The following TMEM108 variants were observed in gnomAD, a reference collection of about 807,000 sequenced individuals.
The protein encoded by TMEM108 is transmembrane protein 108, also known as cancer/testis antigen 124.
Under a neutral mutation model 35.1 loss-of-function variants are expected in TMEM108, and 12 were observed. That is an observed-to-expected ratio of 0.34 (90% CI 0.22 to 0.55). The LOEUF (loss-of-function observed/expected upper bound fraction) is 0.55. Among genes scored for constraint, TMEM108 ranks in the 20% least tolerant of loss-of-function variants. The probability of loss-of-function intolerance (pLI) is 0.89; values close to 1 mark genes in which losing one functional copy is unlikely to be tolerated. For synonymous variants in TMEM108, 287 were observed against 308.6 expected (o/e 0.93, Z 0.73); for missense variants, 680 against 753.3 (o/e 0.90, Z 1.14).
chr3:133,120,759 C>T (rs1944343070), intron 2 of TMEM108: 2 of 152,266 alleles, frequency 1.3e-5, no homozygotes, highest in East Asian at 3.9e-4. Flanking sequence ...GAAGAGCTAA[C>T]ATATGCTCTT....
intron 2 of TMEM108, among the ~76,000 whole-genome samples, chr3:133,078,786 T>C (rs1470070164): frequency 6.6e-6 from 1 of 152,192 alleles, no homozygotes; most frequent in African/African-American, 2.4e-5. Flanking sequence ...TCTCTTTCCC[T>C]CTCTGATGCA....
intron 3 of TMEM108, among the ~76,000 whole-genome samples, chr3:133,360,947 G>A (rs1479889137): frequency 6.6e-6 from 1 of 152,102 alleles, no homozygotes; most frequent in Non-Finnish European, 1.5e-5. Flanking sequence ...AAAAATATAG[G>A]CTGATCTCTA....
chr3:133,390,981 A>G lies in TMEM108; in HGVS notation c.1605+647A>G, dbSNP rs982259766. On this transcript the variant is annotated intron_variant, in intron 5 of 5. Coordinates refer to ENST00000321871, the MANE Select transcript of TMEM108 (RefSeq NM_023943.4). ...GCTGAGCTTTGAACCCAGGACTTTA[A>G]CCACAGAATCCATACTCTTTCCATC... 4.6e-5 allele frequency among the ~76,000 whole-genome samples: 7 copies of G among 152,166 alleles called. No homozygotes were observed. In the South Asian group the frequency reaches 1.5e-3, roughly 32 times the overall value.
intron 2 of TMEM108, 52 bp from the exon 3 acceptor site, chr3:133,229,214 T>A: frequency 8.0e-7 from 1 of 1,249,422 alleles, no homozygotes; most frequent in Non-Finnish European, 1.1e-6. Context: ...TTATTTCTGA[T>A]TTTTAAATTA....
chr3:133,388,252 G>A (rs1227806512), intron 4 of TMEM108: 1 of 985,498 alleles, frequency 1.0e-6, no homozygotes, highest in African/African-American at 1.7e-5. Context: ...AGAGTGAAAG[G>A]TAGTGACAAT....
intron 3 of TMEM108, chr3:133,303,221 T>G (rs1947255800): frequency 6.6e-6 from 1 of 152,162 alleles, no homozygotes; most frequent in Non-Finnish European, 1.5e-5. Context: ...TATGAAGCAC[T>G]TGTGATGTTT....
intron 4 of TMEM108, chr3:133,387,631 G>A (rs1166694543): frequency 1.2e-6 from 1 of 802,040 alleles, no homozygotes; most frequent in Non-Finnish European, 1.5e-6. Context: ...AGGTTTCCAT[G>A]CCCCACCTTC....
intron 2 of TMEM108, among the ~76,000 whole-genome samples, chr3:133,067,516 G>T (rs540850729): frequency 1.3e-5 from 2 of 152,158 alleles, no homozygotes; most frequent in Non-Finnish European, 2.9e-5. Context: ...TCTGAATTAT[G>T]AATGTTCATC....
At chr3:133,378,958 C>T (rs774690344) in intron 3 of TMEM108, among the ~76,000 whole-genome samples, 2 of 152,114 alleles carry the variant, frequency 1.3e-5, no homozygotes, top group African/African-American at 4.8e-5. Flanking sequence ...GTAGAAGGCA[C>T]CTTCTGTTCC....
At chr3:133,317,727 G>T (rs1466531158) in intron 3 of TMEM108, among the ~76,000 whole-genome samples, 2 of 152,172 alleles carry the variant, frequency 1.3e-5, no homozygotes, top group African/African-American at 2.4e-5. Flanking sequence ...GATACTAATT[G>T]AGTACTTTCT....
chr3:133,212,866 C>CAAAA (rs61575298), intron 2 of TMEM108, among the ~76,000 whole-genome samples: 1 of 82,634 alleles, frequency 1.2e-5, no homozygotes, highest in Admixed American at 1.3e-4. Context: ...GACTCTGTCT[C>CAAAA]AAAAAAAAAA....
intron 3 of TMEM108, among the ~76,000 whole-genome samples, chr3:133,302,070 G>A (rs187544824): frequency 6.6e-6 from 1 of 152,312 alleles, no homozygotes; most frequent in East Asian, 1.9e-4. Flanking sequence ...GCAAATGGGG[G>A]AGTCTATAAA....
chr3:133,367,825 G>A (rs991819070), intron 3 of TMEM108, among the ~76,000 whole-genome samples: 2 of 152,142 alleles, frequency 1.3e-5, no homozygotes, highest in Non-Finnish European at 2.9e-5. Flanking sequence ...ACTAGCCGCT[G>A]CCTCTTCTCC....
At chr3:133,211,062 A>C (rs4854700) in intron 2 of TMEM108, among the ~76,000 whole-genome samples, 152,172 of 152,246 alleles carry the variant, frequency 1, 76,050 homozygotes, top group Non-Finnish European at 1. Flanking sequence ...GGTTAAAGGT[A>C]AAAATTAAAA....
chr3:133,065,625 C>T (rs1296005668), intron 2 of TMEM108, among the ~76,000 whole-genome samples: 1 of 151,978 alleles, frequency 6.6e-6, no homozygotes, highest in Non-Finnish European at 1.5e-5. Context: ...ACCTTATTTC[C>T]AACAAGTTGT....
chr3:133,304,721 C>T (rs770885890), intron 3 of TMEM108, among the ~76,000 whole-genome samples: 6 of 152,000 alleles, frequency 3.9e-5, no homozygotes, highest in Admixed American at 6.6e-5. Flanking sequence ...CATAAGGATA[C>T]GCCACAATTT....
chr3:133,389,916 TTGATGA>T (rs33928925), intron 4 of TMEM108, among the ~76,000 whole-genome samples: 2 of 151,098 alleles, frequency 1.3e-5, no homozygotes, highest in South Asian at 2.1e-4. Flanking sequence ...ACAGGATTTT[TTGATGA>T]TGATGATGAT....
At chr3:133,154,637 C>T (rs1944851248) in intron 2 of TMEM108, among the ~76,000 whole-genome samples, 2 of 151,884 alleles carry the variant, frequency 1.3e-5, no homozygotes, top group African/African-American at 4.8e-5. Flanking sequence ...CGCATGTTCT[C>T]ACTCATAGGT....
chr3:133,097,418 A>G (rs1461039658), intron 2 of TMEM108, among the ~76,000 whole-genome samples: 3 of 152,210 alleles, frequency 2.0e-5, no homozygotes, highest in Non-Finnish European at 4.4e-5. Flanking sequence ...CTGTGTCATT[A>G]AGTACTGGCA....
Sources: gnomAD v4.1 joint callset for allele counts (sites outside exome capture counted in the v4.1 genomes callset) on GRCh38, gnomAD v4.1.1 for gene constraint, MANE v1.5 for transcripts, NCBI Gene and HGNC (gene_info 2026-07-23, HGNC 2026-07-21) for gene names.